The following ELF2 variants were observed in gnomAD, a reference collection of about 807,000 sequenced individuals.
ELF2 encodes the protein ETS-related transcription factor Elf-2.
ELF2 carries 11 observed loss-of-function variants against 54.8 expected under a neutral mutation model. That is an observed-to-expected ratio of 0.20 (90% CI 0.13 to 0.33). The LOEUF (loss-of-function observed/expected upper bound fraction) is 0.33. Ranked by LOEUF, ELF2 falls within the 10% of genes least tolerant of loss-of-function variation. The pLI is 1.00. For synonymous variants in ELF2, 203 were observed against 245.1 expected (o/e 0.83, Z 1.61); for missense variants, 513 against 703.0 (o/e 0.73, Z 3.06).
chr4:139,083,183 G>C (rs531008945), intron 4 of ELF2, among the ~76,000 whole-genome samples: 130 of 80,764 alleles, frequency 1.6e-3, no homozygotes, highest in Admixed American at 4.7e-3. Context: ...GGGAGGTTTG[G>C]GGGGGGGTAG....
chr4:139,125,097 C>T (rs1736783823), intron 4 of ELF2, 67 bp downstream of exon 4: 1 of 1,541,358 alleles, frequency 6.5e-7, no homozygotes, highest in South Asian at 1.2e-5. Flanking sequence ...TTTCATCTGG[C>T]AATAGTATTG....
At position 139,108,237 on chromosome 4, in the gene ELF2, A is replaced by C. The variant is rs115910933; in HGVS notation, c.238+16927T>G. On this transcript the variant is annotated intron_variant, in intron 4 of 9. Transcript: ENST00000686138. Reference sequence around the variant, plus strand: ...TGCTTAACACTGGGAATACCTTATTATTAGTTTTCAGAACAGTGAGAGATA... The same window carrying C: ...TGCTTAACACTGGGAATACCTTATTCTTAGTTTTCAGAACAGTGAGAGATA... Among the ~76,000 whole-genome samples, 4 of 152,332 alleles carry C rather than the reference A, an allele frequency of 2.6e-5. No individual in the cohort carries two copies. The South Asian group carries it at 8.3e-4, about 32-fold the overall frequency.
At chr4:139,070,256 CCT>C (rs1262745273) in intron 6 of ELF2, among the ~76,000 whole-genome samples, 5 of 151,904 alleles carry the variant, frequency 3.3e-5, no homozygotes, top group Admixed American at 2.0e-4. Context: ...CTACATGGCC[CCT>C]GTTTTTCATG....
At chr4:139,121,246 C>T (rs1278613595) in intron 4 of ELF2, among the ~76,000 whole-genome samples, 3 of 150,558 alleles carry the variant, frequency 2.0e-5, no homozygotes, top group East Asian at 1.9e-4. Flanking sequence ...GTAGCTGGGA[C>T]TACAGGCGCC....
chr4:139,130,987 A>G (rs1315166925), intron 3 of ELF2, among the ~76,000 whole-genome samples: 1 of 152,134 alleles, frequency 6.6e-6, no homozygotes, highest in Non-Finnish European at 1.5e-5. Context: ...GAGAAAGGGG[A>G]TGGAAGAGAA....
chr4:139,158,052 C>T (rs181277250), intron 1 of ELF2, among the ~76,000 whole-genome samples: 1 of 152,058 alleles, frequency 6.6e-6, no homozygotes, highest in South Asian at 2.1e-4. Context: ...TGGGTGCAGG[C>T]GGGCTGAGTC....
intron 1 of ELF2, among the ~76,000 whole-genome samples, chr4:139,173,576 G>A (rs1326252087): frequency 6.6e-6 from 1 of 151,408 alleles, no homozygotes; most frequent in Non-Finnish European, 1.5e-5. Context: ...GGCTAACACA[G>A]TGAAATCCCA....
chr4:139,088,408 T>C (rs1171888158), intron 4 of ELF2, among the ~76,000 whole-genome samples: 1 of 152,202 alleles, frequency 6.6e-6, no homozygotes, highest in Non-Finnish European at 1.5e-5. Flanking sequence ...CAATACTTTC[T>C]GAACTCTACC....
At chr4:139,141,764 C>A (rs144217882) in intron 1 of ELF2, among the ~76,000 whole-genome samples, 37 of 152,234 alleles carry the variant, frequency 2.4e-4, no homozygotes, top group African/African-American at 8.9e-4. Flanking sequence ...CCCTTACAGG[C>A]GGGTGTTTCC....
chr4:139,174,471 T>C (rs1264422784), intron 1 of ELF2, among the ~76,000 whole-genome samples: 4 of 152,066 alleles, frequency 2.6e-5, no homozygotes, highest in South Asian at 2.1e-4. Context: ...TGGGGCTCTT[T>C]TGGGGGATGA....
intron 4 of ELF2, among the ~76,000 whole-genome samples, chr4:139,096,949 C>T (rs1027527884): frequency 6.6e-6 from 1 of 151,778 alleles, no homozygotes. Context: ...TTATTAGTTT[C>T]TGGTTTTATT....
intron 4 of ELF2, chr4:139,084,621 T>G: frequency 6.0e-6 from 1 of 165,812 alleles, no homozygotes; most frequent in Non-Finnish European, 1.3e-5. Context: ...ACACAGCCCC[T>G]CGGCAGGAAG....
Position 139,164,638 on chromosome 4 carries a change from AAAC to A in ELF2, c.-252+12326_-252+12328del, listed in dbSNP as rs1262082325. ...GGTGACAGAATGAGACCCTGGCTCA[AAAC>A]AACAACAAATATCTAAAATTTTGGT... On this transcript the variant is annotated intron_variant, in intron 1 of 9. Coordinates refer to ENST00000686138, the MANE Select transcript of ELF2 (RefSeq NM_001331036.3). Among the ~76,000 whole-genome samples the A allele has an allele frequency of 2.6e-5, 4 of 152,210 alleles. No individual in the cohort carries two copies. The South Asian group carries it at 6.2e-4, about 24-fold the overall frequency.
At chr4:139,122,875 A>G (rs1367086428) in intron 4 of ELF2, among the ~76,000 whole-genome samples, 1 of 152,060 alleles carries the variant, frequency 6.6e-6, no homozygotes, top group East Asian at 1.9e-4. Context: ...AACAATCTTT[A>G]TAAAGTTACA....
At chr4:139,101,892 C>T (rs1254625297) in intron 4 of ELF2, 1 of 151,850 alleles carries the variant, frequency 6.6e-6, no homozygotes, top group African/African-American at 2.4e-5. Flanking sequence ...AAATGTAATT[C>T]TGCCAGCCTT....
At chr4:139,083,105 A>C (rs2148729904) in intron 4 of ELF2, among the ~76,000 whole-genome samples, 1 of 151,326 alleles carries the variant, frequency 6.6e-6, no homozygotes, top group South Asian at 2.1e-4. Flanking sequence ...CACCTCAGAG[A>C]GCAGATTGGA....
intron 1 of ELF2, among the ~76,000 whole-genome samples, chr4:139,164,223 A>G (rs544063694): frequency 6.9e-6 from 1 of 144,764 alleles, no homozygotes; most frequent in South Asian, 2.4e-4. Context: ...GGAGGGAGGG[A>G]GGGAAAGAGA....
intron 4 of ELF2, among the ~76,000 whole-genome samples, chr4:139,085,041 C>T (rs1271600118): frequency 6.6e-6 from 1 of 152,188 alleles, no homozygotes; most frequent in African/African-American, 2.4e-5. Context: ...AATTCATGTA[C>T]CCTTTCATTT....
At chr4:139,132,300 A>G (rs1737569325) in intron 3 of ELF2, among the ~76,000 whole-genome samples, 1 of 152,238 alleles carries the variant, frequency 6.6e-6, no homozygotes, top group Non-Finnish European at 1.5e-5. Flanking sequence ...ATGCCTCACC[A>G]GATGAAAATC....
Sources: allele counts gnomAD v4.1 joint callset (sites outside exome capture counted in the v4.1 genomes callset), GRCh38; gene constraint gnomAD v4.1.1; transcripts MANE v1.5; gene names NCBI Gene and HGNC (gene_info 2026-07-23, HGNC 2026-07-21).